Variants in DENND2D observed in about 807,000 individuals in gnomAD.
The protein encoded by DENND2D is DENN domain containing 2D.
A neutral mutation model predicts 59.8 loss-of-function variants in DENND2D; 37 were observed. The observed-to-expected ratio is 0.62, with a 90% CI of 0.48 to 0.81. DENND2D has a LOEUF of 0.81. DENND2D is among the 40% of genes least tolerant of loss of function. DENND2D has a pLI of 0.00. For missense variants in DENND2D, 525 were observed against 579.7 expected, an observed-to-expected ratio of 0.91 and a Z score of 0.97; for synonymous variants, 219 against 211.3, an observed-to-expected ratio of 1.04 and a Z score of -0.31.
At chr1:111,200,216 G>C (rs639306) in intron 1 of DENND2D, 177 bp downstream of exon 1, 666,445 of 786,432 alleles carry the variant, frequency 0.85, 283,565 homozygotes, top group East Asian at 0.99. Context: ...ACTAGCCCCA[G>C]AGAGGGCATG....
Position 111,192,212 on chromosome 1 carries a change from G to A in DENND2D, c.900C>T (p.Cys300=). The A allele has an allele frequency of 6.2e-7, 1 of 1,614,016 alleles. No individual in the cohort carries two copies. The highest frequency in any genetic ancestry group is 8.5e-7 in the Non-Finnish European group (1 of 1,179,920). The change falls in exon 8 of 12, where the codon TGC becomes TGT. Residue 300 remains cysteine, a synonymous_variant. Transcript: ENST00000357640. ...CTCCAACCATGAAGGGGGTGGGGCA[G>A]CAGACGGTGGCCAGAAGGCTCTCAG... ...VVPESLLATV[C]CPTPFMVGVQ...
chr1:111,187,247 G>A lies in DENND2D; in HGVS notation c.*358C>T, dbSNP rs151069030. ...TTCATGTAGAGAGGCTGAGCCTTTC[G>A]ACCACAAAGTGTGTTCTGTGTTGAA... On this transcript the variant is annotated 3_prime_UTR_variant, in exon 12 of 12. Transcript: ENST00000357640. 428 of 210,340 alleles carry A rather than the reference G, an allele frequency of 2.0e-3. 4 individuals carry two copies. The highest frequency in any genetic ancestry group is 9.2e-3 in the African/African-American group (406 of 43,918). The allele number at this position is 210,340 out of a possible 1,614,324, so 13.0% of individuals were successfully genotyped here.
At chr1:111,202,472 T>C (rs1402579976), upstream of DENND2D, 1 of 152,186 alleles carries the variant, frequency 6.6e-6, no homozygotes, top group Non-Finnish European at 1.5e-5. Context: ...ATTCAGAGTT[T>C]TAGTTGAGGA....
intron 2 of DENND2D, 55 bp downstream of exon 2, chr1:111,199,568 C>G (rs1002165535): frequency 2.6e-6 from 4 of 1,560,758 alleles, no homozygotes; most frequent in Non-Finnish European, 3.5e-6. Flanking sequence ...CCACCCCTAC[C>G]ACCTTCCAAA....
At chr1:111,202,696 TACAC>T (rs5741908), upstream of DENND2D, among the ~76,000 whole-genome samples, 30 of 142,954 alleles carry the variant, frequency 2.1e-4, no homozygotes, top group Non-Finnish European at 3.8e-4. Context: ...GTCACCAGGA[TACAC>T]ACACACACAC....
intron 7 of DENND2D, 29 bp downstream of exon 7, chr1:111,194,549 C>G: frequency 6.2e-7 from 1 of 1,611,774 alleles, no homozygotes; most frequent in Non-Finnish European, 8.5e-7. Context: ...CTGGGCAGTT[C>G]AGGTGAGCCG....
chr1:111,200,442 T>C lies in DENND2D; in HGVS notation c.18A>G (p.Val6=), dbSNP rs1487448808. Residue 6 remains valine, a synonymous_variant, in exon 1 of 12, where the codon GTA becomes GTG. Coordinates refer to ENST00000357640, the MANE Select transcript of DENND2D (RefSeq NM_024901.5). MEGQV[V]GRVFRLFQRR... ...GTTGGAAGAGCCTGAACACCCGGCCTACCACTTGTCCTTCCATCTCTGGGC... is the reference window on the plus strand; with the variant it reads ...GTTGGAAGAGCCTGAACACCCGGCCCACCACTTGTCCTTCCATCTCTGGGC... 1.2e-6 allele frequency: 2 copies of C among 1,611,766 alleles called. No homozygotes were observed. Among genetic ancestry groups the C allele is most frequent in the African/African-American group, 2.7e-5 (2 of 74,826 alleles).
chr1:111,189,207 C>T lies in DENND2D; in HGVS notation c.1014+5G>A. 6.2e-7 allele frequency: 1 copy of T among 1,614,182 alleles called. No homozygotes were observed. Among genetic ancestry groups the T allele is most frequent in the Non-Finnish European group, 8.5e-7 (1 of 1,180,020 alleles). On this transcript the variant is annotated splice_donor_5th_base_variant and intron_variant, in intron 9 of 11. Transcript: ENST00000357640. ...CCTGCAGGGGATCTGAACCCAGACA[C>T]TTACCGACATTAAGAAGGTTCCTTC...
rs1472191724 is a variant in DENND2D at position 111,199,839 on chromosome 1, T to G, written c.68-41A>C. The G allele has an allele frequency of 1.9e-6, 3 of 1,591,012 alleles. No individual in the cohort carries two copies. In the African/African-American group the frequency reaches 4.1e-5, roughly 22 times the overall value. On this transcript the variant is annotated intron_variant, in intron 1 of 11. Coordinates refer to ENST00000357640, the MANE Select transcript of DENND2D (RefSeq NM_024901.5). The stretch of plus-strand genomic sequence containing the variant: ...AGCCCATTTAGTATAATCTCATTGA[T>G]CCATTCCTGGAGTGGAGTCTGTGAG...
chr1:111,196,211 CTCCCT>C, intron 5 of DENND2D, 155 bp from the exon 6 acceptor site: 4 of 877,790 alleles, frequency 4.6e-6, no homozygotes, highest in Non-Finnish European at 6.6e-6. Flanking sequence ...GGTCCTCTCC[CTCCCT>C]GGCAGAGGCT....
chr1:111,188,360 T>C lies in DENND2D; in HGVS notation c.1110A>G (p.Gln370=). The change falls in exon 11 of 12, where the codon CAA becomes CAG. Residue 370 remains glutamine (Q), a synonymous_variant. Coordinates refer to ENST00000357640, the MANE Select transcript of DENND2D (RefSeq NM_024901.5). ...QGINELKTAE[Q]INEHVSGPFV... Reference sequence around the variant, plus strand: ...AGGGGCCTGAAACATGCTCGTTGATTTGTTCTGCAGCTGCAGGAGATATAA... The same window carrying C: ...AGGGGCCTGAAACATGCTCGTTGATCTGTTCTGCAGCTGCAGGAGATATAA... The C allele has an allele frequency of 6.2e-7, 1 of 1,613,594 alleles. No homozygotes were observed. The highest frequency in any genetic ancestry group is 8.5e-7 in the Non-Finnish European group (1 of 1,179,922).
In DENND2D at chr1:111,194,661, G is replaced by A; in HGVS notation, c.711C>T (p.His237=). The A allele has an allele frequency of 6.2e-7, 1 of 1,614,102 alleles. No individual in the cohort carries two copies. The highest frequency in any genetic ancestry group is 8.5e-7 in the Non-Finnish European group (1 of 1,179,992). Residue 237 remains histidine (H), a synonymous_variant, in exon 7 of 12, where the codon CAC becomes CAT. Transcript: ENST00000357640. ...LEHVDFSSLL[H]CLSFEQILQI... is the part of the protein sequence containing the mutation. ...GAAGTATCTGTTCAAAACTGAGACAGTGCAATAGAGAACTAAAATCCACAT... is the reference window on the plus strand; with the variant it reads ...GAAGTATCTGTTCAAAACTGAGACAATGCAATAGAGAACTAAAATCCACAT...
chr1:111,199,711 T>C lies in DENND2D; in HGVS notation c.155A>G (p.His52Arg), dbSNP rs957128105. ...AACCACAAGAAGGTATTCAAAGAAG[T>C]GCTGCCCCCCAGCAAAGTTGGGCAA... ...HSLPNFAGGQ[H>R]FFEYLLVVSL... Residue 52 changes from histidine (H) to arginine (R), a missense_variant, in exon 2 of 12, where the codon CAC becomes CGC. Around this residue, in one of 3 missense-constraint regions of DENND2D, gnomAD observed 253 missense variants for 246.4 expected, o/e 1.03. Transcript: ENST00000357640. The C allele has an allele frequency of 6.2e-7, 1 of 1,614,108 alleles. No homozygotes were observed. Among genetic ancestry groups the C allele is most frequent in the East Asian group, 2.2e-5 (1 of 44,868 alleles).
At position 111,199,740 on chromosome 1, in the gene DENND2D, G is replaced by A. The variant is rs1210345857; in HGVS notation, c.126C>T (p.His42=). The change falls in exon 2 of 12, where the codon CAC becomes CAT. Residue 42 remains histidine (H), a synonymous_variant. Coordinates refer to ENST00000357640, the MANE Select transcript of DENND2D (RefSeq NM_024901.5). ...ALKEPERAQE[H]SLPNFAGGQH... is the part of the protein sequence containing the mutation. ...GCCCCCCAGCAAAGTTGGGCAAAGA[G>A]TGCTCCTGGGCCCTTTCTGGTTCCT... 1.9e-6 allele frequency: 3 copies of A among 1,614,142 alleles called. No homozygotes were observed. The African/African-American group carries it at 4.0e-5, about 22-fold the overall frequency.
chr1:111,203,547 C>T (rs1038871718), upstream of DENND2D, among the ~76,000 whole-genome samples: 3 of 152,254 alleles, frequency 2.0e-5, no homozygotes, highest in Non-Finnish European at 4.4e-5. Context: ...CCTTCCAACC[C>T]CAGGGCTCTG....
At chr1:111,188,063 C>T in intron 11 of DENND2D, 68 bp downstream of exon 11, 1 of 1,566,794 alleles carries the variant, frequency 6.4e-7, no homozygotes, top group Non-Finnish European at 8.6e-7. Flanking sequence ...AGTATTCTTT[C>T]TTTCCCCTCC....
Position 111,200,292 on chromosome 1 carries a change from C to T in DENND2D, c.67+101G>A, listed in dbSNP as rs1229033107. Reference sequence around the variant, plus strand: ...GTCACATGGGGAACCATGTGGAGGCCGAGATATAAAGGAAGAGGAGGAAGG... The same window carrying T: ...GTCACATGGGGAACCATGTGGAGGCTGAGATATAAAGGAAGAGGAGGAAGG... On this transcript the variant is annotated intron_variant, in intron 1 of 11. Transcript: ENST00000357640. 11 of 1,486,532 alleles carry T rather than the reference C, an allele frequency of 7.4e-6. No individual in the cohort carries two copies. In the East Asian group the frequency reaches 7.5e-5, roughly 10 times the overall value. 92.1% of individuals were successfully genotyped at this position (1,486,532 alleles called of 1,614,324 possible).
At position 111,198,666 on chromosome 1, in the gene DENND2D, T is replaced by C. The variant is rs762569338; in HGVS notation, c.320A>G (p.Asp107Gly). The C allele has an allele frequency of 3.7e-6, 6 of 1,614,116 alleles. No individual in the cohort carries two copies. In the South Asian group the frequency reaches 4.4e-5, roughly 12 times the overall value. The part of the protein sequence containing the change: ...LKAIPLFCFP[D>G]GNEWASLTEY... ...GGTGAGTGATGCCCACTCATTCCCA[T>C]CTGGGAAGCAGAACAAGGGGATAGC... is the stretch of plus-strand genomic sequence containing the variant. Residue 107 changes from aspartate to glycine, a missense_variant, in exon 3 of 12, where the codon GAT becomes GGT. By Grantham distance (94) the Asp-to-Gly change is moderately conservative. Transcript: ENST00000357640.
At chr1:111,201,982 T>C (rs563502939), upstream of DENND2D, among the ~76,000 whole-genome samples, 22 of 152,340 alleles carry the variant, frequency 1.4e-4, no homozygotes, top group Admixed American at 5.2e-4. Context: ...ATCTTCCTGA[T>C]ACAGATGGGG....
Sources: allele counts gnomAD v4.1 joint callset (sites outside exome capture counted in the v4.1 genomes callset), GRCh38; gene constraint gnomAD v4.1.1; regional missense constraint gnomAD v4.1.1; transcripts MANE v1.5; gene names NCBI Gene and HGNC (gene_info 2026-07-23, HGNC 2026-07-21).